TRPC4AP: variants seen among roughly 807,000 people sequenced by gnomAD.
TRPC4AP encodes transient receptor potential cation channel subfamily C member 4 associated protein, also known as short transient receptor potential channel 4-associated protein.
In TRPC4AP, 45 loss-of-function variants were observed where a neutral mutation model predicts 99.0. That is an observed-to-expected ratio of 0.45 (90% CI 0.36 to 0.58). The LOEUF (loss-of-function observed/expected upper bound fraction) is 0.58, where lower values mean the gene tolerates loss of function less well. Among genes scored for constraint, TRPC4AP ranks in the 20% least tolerant of loss-of-function variants. TRPC4AP has a pLI of 0.00. For missense variants in TRPC4AP, 879 were observed against 985.3 expected (o/e 0.89, Z 1.44); for synonymous variants, 408 against 385.8 (o/e 1.06, Z -0.67).
Position 35,024,825 on chromosome 20 carries a change from CAAAA to C in TRPC4AP, c.1052-3473_1052-3470del, listed in dbSNP as rs778161091. ...CCTAGGTGACAGAGAGAGACCGTCT[CAAAA>C]AAAAAAAAAAAAAAAAAAAAAAAAA... On this transcript the variant is annotated intron_variant, in intron 8 of 18. Coordinates refer to ENST00000252015, the MANE Select transcript of TRPC4AP (RefSeq NM_015638.3). 2.1e-3 allele frequency among the ~76,000 whole-genome samples: 74 copies of C among 35,870 alleles called. 10 individuals carry two copies. The highest frequency in any genetic ancestry group is 4.8e-3 in the East Asian group (5 of 1,046). The allele number at this position is 35,870 out of a possible 152,430, so 23.5% of individuals were successfully genotyped here.
chr20:35,034,349 C>T (rs1027665044), intron 8 of TRPC4AP, among the ~76,000 whole-genome samples: 4 of 151,900 alleles, frequency 2.6e-5, no homozygotes, highest in African/African-American at 9.7e-5. Flanking sequence ...AGTGTAAAAC[C>T]TCTGTACATG....
intron 8 of TRPC4AP, among the ~76,000 whole-genome samples, chr20:35,031,548 T>C (rs2083196323): frequency 6.6e-6 from 1 of 151,984 alleles, no homozygotes; most frequent in Non-Finnish European, 1.5e-5. Context: ...AGCGTTTTTA[T>C]TACCATGTGT....
At chr20:35,033,766 T>C (rs1426478243) in intron 8 of TRPC4AP, among the ~76,000 whole-genome samples, 3 of 151,746 alleles carry the variant, frequency 2.0e-5, no homozygotes, top group Non-Finnish European at 4.4e-5. Flanking sequence ...CCAAGGAGGG[T>C]GGATCACTTG....
chr20:35,013,104 C>A (rs1280823366), intron 10 of TRPC4AP, 38 bp from the exon 11 acceptor site: 1 of 1,605,296 alleles, frequency 6.2e-7, no homozygotes, highest in Non-Finnish European at 8.5e-7. Flanking sequence ...AGGACCACAG[C>A]CACAAGGTTC....
At position 35,010,291 on chromosome 20, in the gene TRPC4AP, G is replaced by C; in HGVS notation, c.1410-3C>G. On this transcript the variant is annotated splice_region_variant and splice_polypyrimidine_tract_variant and intron_variant, in intron 11 of 18. Coordinates refer to ENST00000252015, the MANE Select transcript of TRPC4AP (RefSeq NM_015638.3). The stretch of plus-strand genomic sequence containing the variant: ...TGTTGAGTAACAAGTACTTGTTCCT[G>C]AAACAAAATGGGTTGGAGGAGGTAA... 1.2e-6 allele frequency: 2 copies of C among 1,613,610 alleles called. No homozygotes were observed. Among genetic ancestry groups the C allele is most frequent in the Non-Finnish European group, 1.7e-6 (2 of 1,179,540 alleles).
chr20:35,032,467 C>CTTTTTTTTTTTTTTTTTTTTTTTTTTTTT (rs35808832), intron 8 of TRPC4AP, among the ~76,000 whole-genome samples: 1 of 95,232 alleles, frequency 1.1e-5, no homozygotes, highest in Non-Finnish European at 2.0e-5. Context: ...GTTCTTTGAT[C>CTTTTTTTTTTTTTTTTTTTTTTTTTTTTT]TTTTTTTTTT....
At position 35,003,525 on chromosome 20, in the gene TRPC4AP, C is replaced by T. The variant is rs146813768; in HGVS notation, c.2141G>A (p.Arg714Gln). The T allele has an allele frequency of 7.4e-6, 12 of 1,613,866 alleles. No individual in the cohort carries two copies. The highest frequency in any genetic ancestry group is 1.6e-4 in the Middle Eastern group (1 of 6,084). Residue 714 changes from arginine to glutamine, a missense_variant, in exon 18 of 19, where the codon CGG becomes CAG. Coordinates refer to ENST00000252015, the MANE Select transcript of TRPC4AP (RefSeq NM_015638.3). ...GGGGTACTTCTTGCTGTGCTCCATC[C>T]GCTGCAGCAGCCGCAGGTACAGGGG... ...RLPLYLRLLQ[R>Q]MEHSKKYPGF...
intron 16 of TRPC4AP, 71 bp from the exon 17 acceptor site, chr20:35,004,641 G>C: frequency 7.5e-7 from 1 of 1,335,690 alleles, no homozygotes; most frequent in Admixed American, 1.9e-5. Context: ...GCCTTTCGTG[G>C]AGCCCCGCTT....
chr20:35,016,859 T>G (rs2082766359), intron 9 of TRPC4AP, among the ~76,000 whole-genome samples: 1 of 152,212 alleles, frequency 6.6e-6, no homozygotes, highest in Non-Finnish European at 1.5e-5. Flanking sequence ...TGTCTCTGAT[T>G]TTTCACTTTT....
chr20:35,038,463 G>T (rs1260852956), intron 7 of TRPC4AP, among the ~76,000 whole-genome samples: 1 of 151,980 alleles, frequency 6.6e-6, no homozygotes, highest in African/African-American at 2.4e-5. Context: ...CTGTATAATA[G>T]AATATTATAT....
intron 3 of TRPC4AP, among the ~76,000 whole-genome samples, chr20:35,066,506 C>T (rs1276970339): frequency 1.3e-5 from 2 of 152,100 alleles, no homozygotes; most frequent in African/African-American, 2.4e-5. Flanking sequence ...CCCAGAAATG[C>T]CCTCTCCCTC....
chr20:35,007,500 G>A (rs367584561), intron 14 of TRPC4AP, 50 bp downstream of exon 14: 30 of 1,586,796 alleles, frequency 1.9e-5, no homozygotes, highest in Non-Finnish European at 2.3e-5. Context: ...ACAGCAACGC[G>A]TGGGCTGGGG....
chr20:35,018,387 G>A (rs1314980703), intron 9 of TRPC4AP, among the ~76,000 whole-genome samples: 1 of 152,118 alleles, frequency 6.6e-6, no homozygotes, highest in East Asian at 1.9e-4. Context: ...CTTGAGGCCA[G>A]GAGTTTCAGA....
At chr20:35,087,173 CA>C (rs778236066) in intron 1 of TRPC4AP, among the ~76,000 whole-genome samples, 6,557 of 118,580 alleles carry the variant, frequency 0.055, 464 homozygotes, top group African/African-American at 0.18. Context: ...ACTAAAAATA[CA>C]AAAAAAAAAA....
chr20:35,037,603 G>A (rs1477111378), intron 7 of TRPC4AP, among the ~76,000 whole-genome samples: 1 of 152,142 alleles, frequency 6.6e-6, no homozygotes, highest in Non-Finnish European at 1.5e-5. Flanking sequence ...GTACTGACAT[G>A]CTACAACATT....
At chr20:35,035,434 T>C (rs1347350257) in intron 7 of TRPC4AP, 126 bp from the exon 8 acceptor site, 1 of 1,029,794 alleles carries the variant, frequency 9.7e-7, no homozygotes, top group African/African-American at 1.6e-5. Flanking sequence ...AAGCTACTCT[T>C]TTAAAATGAA....
intron 3 of TRPC4AP, among the ~76,000 whole-genome samples, chr20:35,067,583 G>C (rs1475053938): frequency 6.6e-6 from 1 of 152,156 alleles, no homozygotes; most frequent in Non-Finnish European, 1.5e-5. Context: ...TTATAGCACT[G>C]TTATTCATAA....
intron 9 of TRPC4AP, among the ~76,000 whole-genome samples, chr20:35,020,855 C>T (rs1400565710): frequency 6.6e-6 from 1 of 152,140 alleles, no homozygotes; most frequent in Non-Finnish European, 1.5e-5. Context: ...GAGCCCACAT[C>T]AGGTTGGCAA....
At chr20:35,057,875 A>T (rs184997514) in intron 3 of TRPC4AP, among the ~76,000 whole-genome samples, 2 of 152,360 alleles carry the variant, frequency 1.3e-5, no homozygotes, top group Middle Eastern at 3.4e-3. Flanking sequence ...AAGCTGCAGA[A>T]CATTATTACT....
Sources: allele counts gnomAD v4.1 joint callset (sites outside exome capture counted in the v4.1 genomes callset), GRCh38; gene constraint gnomAD v4.1.1; transcripts MANE v1.5; gene names NCBI Gene and HGNC (gene_info 2026-07-23, HGNC 2026-07-21).